PDE4D: variants seen among roughly 807,000 people sequenced by gnomAD.
PDE4D encodes phosphodiesterase 4D, also known as 3',5'-cyclic-AMP phosphodiesterase 4D.
Under a neutral mutation model 87.4 loss-of-function variants are expected in PDE4D, and 24 were observed. That is an observed-to-expected ratio of 0.27 (90% confidence interval 0.20 to 0.39). PDE4D has a LOEUF of 0.39. PDE4D is among the 10% of genes least tolerant of loss of function. PDE4D has a pLI of 1.00. For synonymous variants in PDE4D, 384 were observed against 383.2 expected (o/e 1.00, Z -0.02); for missense variants, 714 against 1,041.0 (o/e 0.69, Z 4.32).
chr5:60,298,955 C>G (rs1012655785), intron 1 of PDE4D, among the ~76,000 whole-genome samples: 17 of 152,228 alleles, frequency 1.1e-4, no homozygotes, highest in African/African-American at 4.1e-4. Context: ...CTCTGTTTCA[C>G]TTATTCTTTT....
intron 3 of PDE4D, among the ~76,000 whole-genome samples, chr5:59,942,801 T>A (rs1757321615): frequency 7.2e-6 from 1 of 139,402 alleles, no homozygotes; most frequent in African/African-American, 2.7e-5. Context: ...CAAGTGTGGC[T>A]TTGCAAGGGA....
chr5:60,316,273 T>G (rs996926096), intron 1 of PDE4D, among the ~76,000 whole-genome samples: 2 of 152,202 alleles, frequency 1.3e-5, no homozygotes, highest in African/African-American at 4.8e-5. Context: ...CACTCATGAT[T>G]TGGCTCTCTG....
At chr5:59,966,981 C>T (rs1201541283) in intron 3 of PDE4D, among the ~76,000 whole-genome samples, 1 of 152,042 alleles carries the variant, frequency 6.6e-6, no homozygotes, top group Non-Finnish European at 1.5e-5. Flanking sequence ...ACCATTTAGC[C>T]CCAAATATAT....
chr5:59,003,616 A>G (rs1051510635), intron 6 of PDE4D, among the ~76,000 whole-genome samples: 4 of 152,244 alleles, frequency 2.6e-5, no homozygotes, highest in Admixed American at 1.3e-4. Context: ...TGCAGCTTAT[A>G]TTCCAAAACT....
At chr5:59,018,778 G>A (rs1328163231) in intron 6 of PDE4D, among the ~76,000 whole-genome samples, 2 of 151,868 alleles carry the variant, frequency 1.3e-5, no homozygotes, top group African/African-American at 2.4e-5. Flanking sequence ...GTTTATTGAG[G>A]GTCTACTATG....
At chr5:60,441,105 G>A (rs1457417320) in intron 1 of PDE4D, among the ~76,000 whole-genome samples, 3 of 151,958 alleles carry the variant, frequency 2.0e-5, no homozygotes, top group Non-Finnish European at 2.9e-5. Context: ...CATCTTTATG[G>A]AACCAAAAAA....
intron 3 of PDE4D, among the ~76,000 whole-genome samples, chr5:59,929,621 T>C (rs1364289353): frequency 6.6e-6 from 1 of 152,166 alleles, no homozygotes; most frequent in Non-Finnish European, 1.5e-5. Flanking sequence ...ATGTGAAAAA[T>C]TTAAGCAAGC....
chr5:60,414,599 G>A (rs1742327112), intron 1 of PDE4D, among the ~76,000 whole-genome samples: 1 of 152,196 alleles, frequency 6.6e-6, no homozygotes, highest in Non-Finnish European at 1.5e-5. Flanking sequence ...GACAGAATAT[G>A]CAACCTACTT....
intron 3 of PDE4D, among the ~76,000 whole-genome samples, chr5:59,938,398 TC>T (rs1487404216): frequency 6.6e-6 from 1 of 152,180 alleles, no homozygotes; most frequent in African/African-American, 2.4e-5. Context: ...TTTTCTTAAG[TC>T]AGATCCAGCT....
chr5:59,766,002 C>T (rs576265843), intron 1 of PDE4D, among the ~76,000 whole-genome samples: 1 of 152,208 alleles, frequency 6.6e-6, no homozygotes, highest in South Asian at 2.1e-4. Context: ...GAGGGGAATA[C>T]CAGGAGCAGG....
intron 1 of PDE4D, among the ~76,000 whole-genome samples, chr5:59,241,426 C>T (rs1427580995): frequency 6.6e-6 from 1 of 152,174 alleles, no homozygotes; most frequent in Non-Finnish European, 1.5e-5. Context: ...AGCTTCTTGG[C>T]TGTCTGAGCC....
intron 1 of PDE4D, among the ~76,000 whole-genome samples, chr5:59,855,564 A>C (rs538345764): frequency 2.6e-5 from 4 of 152,284 alleles, no homozygotes; most frequent in African/African-American, 9.6e-5. Flanking sequence ...AAATTTTCAT[A>C]GTTCATATTT....
At chr5:59,983,843 T>C (rs1203968471) in intron 3 of PDE4D, among the ~76,000 whole-genome samples, 3 of 152,168 alleles carry the variant, frequency 2.0e-5, no homozygotes, top group Non-Finnish European at 4.4e-5. Flanking sequence ...GAAATGCTAC[T>C]CCTGGGAATA....
chr5:59,151,551 C>T (rs1170667862), intron 5 of PDE4D, among the ~76,000 whole-genome samples: 1 of 152,098 alleles, frequency 6.6e-6, no homozygotes, highest in East Asian at 1.9e-4. Context: ...TCAACAATAA[C>T]CTAATTTGTG....
intron 1 of PDE4D, among the ~76,000 whole-genome samples, chr5:60,481,147 T>C (rs1473819363): frequency 1.3e-5 from 2 of 152,172 alleles, no homozygotes; most frequent in Non-Finnish European, 1.5e-5. Flanking sequence ...AGGAGGAAAA[T>C]AATTTGGTTG....
intron 1 of PDE4D, among the ~76,000 whole-genome samples, chr5:59,520,059 T>C (rs1161023015): frequency 1.3e-5 from 2 of 152,068 alleles, no homozygotes; most frequent in Non-Finnish European, 2.9e-5. Context: ...GTCAGGAGTT[T>C]GAGACCAGCC....
At chr5:59,278,541 T>C (rs1449060339) in intron 1 of PDE4D, among the ~76,000 whole-genome samples, 1 of 152,132 alleles carries the variant, frequency 6.6e-6, no homozygotes, top group Non-Finnish European at 1.5e-5. Context: ...AGATGTTTTG[T>C]TGAATCAAAT....
At chr5:59,125,792 A>C (rs1580933540) in intron 5 of PDE4D, among the ~76,000 whole-genome samples, 1 of 152,176 alleles carries the variant, frequency 6.6e-6, no homozygotes, top group Non-Finnish European at 1.5e-5. Context: ...CAGGTCAGAA[A>C]ACATCTAATC....
chr5:60,367,130 T>C (rs979759391), intron 1 of PDE4D, among the ~76,000 whole-genome samples: 1 of 152,088 alleles, frequency 6.6e-6, no homozygotes, highest in African/African-American at 2.4e-5. Context: ...AAAAGCAATT[T>C]ACAAGAAGAA....
Sources: gnomAD v4.1 joint callset for allele counts (sites outside exome capture counted in the v4.1 genomes callset) on GRCh38, gnomAD v4.1.1 for gene constraint, MANE v1.5 for transcripts, NCBI Gene and HGNC (gene_info 2026-07-23, HGNC 2026-07-21) for gene names.